IQCH: variants seen among roughly 807,000 people sequenced by gnomAD.
IQCH encodes IQ domain-containing protein H.
A neutral mutation model predicts 117.0 loss-of-function variants in IQCH; 98 were observed. The ratio of observed to expected loss-of-function variants is 0.84; its 90% CI spans 0.71 to 0.99. IQCH has a LOEUF of 0.99. IQCH is among the 50% of genes least tolerant of loss of function. The pLI is 0.00. For synonymous variants in IQCH, 412 were observed against 448.2 expected (o/e 0.92, Z 1.02); for missense variants, 1,102 against 1,243.8 (o/e 0.89, Z 1.72).
At chr15:67,372,779 C>T (rs1970593984) in intron 9 of IQCH, 117 bp downstream of exon 9, 4 of 814,122 alleles carry the variant, frequency 4.9e-6, no homozygotes, top group East Asian at 5.0e-5. Context: ...CTCCTTGCCT[C>T]AGACTCCCAC....
In IQCH at chr15:67,494,442, C is replaced by A. The variant is rs2083750790; in HGVS notation, c.2970+76C>A. The A allele has an allele frequency of 4.1e-6, 4 of 976,296 alleles. No individual in the cohort carries two copies. Among genetic ancestry groups the A allele is most frequent in the Non-Finnish European group, 6.3e-6 (4 of 638,698 alleles). 60.5% of individuals were successfully genotyped at this position (976,296 alleles called of 1,614,324 possible). ...AAAATACCTCATGCTGTATTGTAAA[C>A]AAGTGCTAAACCATCTTTTTTTTAT... On this transcript the variant is annotated intron_variant, in intron 20 of 20. Coordinates refer to ENST00000335894, the MANE Select transcript of IQCH (RefSeq NM_001031715.3). The surrounding 1 kb of genome is among the most constrained non-coding windows in gnomAD (Gnocchi z 5.5).
chr15:67,452,920 A>G (rs1440356820), intron 16 of IQCH, among the ~76,000 whole-genome samples: 1 of 151,970 alleles, frequency 6.6e-6, no homozygotes, highest in African/African-American at 2.4e-5. Flanking sequence ...GGCTTTGTTC[A>G]TTTCTTTTTA....
At chr15:67,380,866 G>C (rs1381909157) in intron 10 of IQCH, among the ~76,000 whole-genome samples, 1 of 152,212 alleles carries the variant, frequency 6.6e-6, no homozygotes, top group Non-Finnish European at 1.5e-5. Context: ...ACTGAGGCAT[G>C]AATGACTACC....
rs1234801241 is a variant in IQCH at position 67,369,260 on chromosome 15, A to C, written c.754-2851A>C. 6.6e-6 allele frequency among the ~76,000 whole-genome samples: 1 copy of C among 152,216 alleles called. No individual in the cohort carries two copies. Among genetic ancestry groups the C allele is most frequent in the East Asian group, 1.9e-4 (1 of 5,200 alleles). On this transcript the variant is annotated intron_variant, in intron 8 of 20. Coordinates refer to ENST00000335894, the MANE Select transcript of IQCH (RefSeq NM_001031715.3). This position sits in a 1 kb window ranked among gnomAD's most constrained non-coding sequence, Gnocchi z 5.2. ...GAACATTTCCCAGCTAATTAGTTAG[A>C]GCAAGATGCTAATAATTAGGCCACA...
At chr15:67,394,836 G>A (rs1434188787) in intron 12 of IQCH, among the ~76,000 whole-genome samples, 2 of 152,126 alleles carry the variant, frequency 1.3e-5, no homozygotes, top group Non-Finnish European at 2.9e-5. Context: ...CGGGTCAAGT[G>A]CCTTTTTCCT....
intron 4 of IQCH, chr15:67,304,463 A>T (rs1364689770): frequency 1.4e-6 from 2 of 1,401,360 alleles, no homozygotes; most frequent in African/African-American, 2.9e-5. Flanking sequence ...TGTGTAAGTA[A>T]TGAGTTGTTT....
At chr15:67,428,596 A>G (rs1426267203) in intron 16 of IQCH, among the ~76,000 whole-genome samples, 1 of 152,130 alleles carries the variant, frequency 6.6e-6, no homozygotes, top group African/African-American at 2.4e-5. Flanking sequence ...CACACCTGTA[A>G]TCCCAACACT....
intron 4 of IQCH, among the ~76,000 whole-genome samples, chr15:67,314,715 C>T (rs1323955452): frequency 6.6e-6 from 1 of 152,174 alleles, no homozygotes. Flanking sequence ...AGGACACAGG[C>T]CTTCCCTCCA....
At chr15:67,315,857 C>T (rs1362695790) in intron 4 of IQCH, among the ~76,000 whole-genome samples, 1 of 152,096 alleles carries the variant, frequency 6.6e-6, no homozygotes, top group Non-Finnish European at 1.5e-5. Flanking sequence ...TGGCACATCT[C>T]CTTGTCACTA....
At position 67,372,136 on chromosome 15, in the gene IQCH, G is replaced by C; in HGVS notation, c.779G>C (p.Arg260Thr). Residue 260 changes from arginine (R) to threonine (T), a missense_variant, in exon 9 of 21, where the codon AGA becomes ACA. This residue lies in a region of IQCH where 452 missense variants were observed against 449.6 expected (regional missense o/e 1.01). Coordinates refer to ENST00000335894, the MANE Select transcript of IQCH (RefSeq NM_001031715.3). The stretch of plus-strand genomic sequence containing the variant: ...GCCATGAAAGTCAAAACACCTTTGA[G>C]AGCCCTGAAATCACTGTGGGATTAT... ...RKAMKVKTPL[R>T]ALKSLWDYDF... 8 of 1,608,662 alleles carry C rather than the reference G, an allele frequency of 5.0e-6. No individual in the cohort carries two copies. Among genetic ancestry groups the C allele is most frequent in the Non-Finnish European group, 6.8e-6 (8 of 1,178,024 alleles).
rs1489955031 is a variant in IQCH at position 67,456,315 on chromosome 15, TCTA to T, written c.2506-8808_2506-8806del. Among the ~76,000 whole-genome samples, 5 of 152,202 alleles carry T rather than the reference TCTA, an allele frequency of 3.3e-5. No individual in the cohort carries two copies. The highest frequency in any genetic ancestry group is 1.2e-4 in the African/African-American group (5 of 41,456). On this transcript the variant is annotated intron_variant, in intron 16 of 20. Transcript: ENST00000335894. This position sits in a 1 kb window ranked among gnomAD's most constrained non-coding sequence, Gnocchi z 5.1. ...AAACTTGGCACTCTGAAGAAATTGA[TCTA>T]CTAATGCTGGCAATGAAGTGTCATA...
At chr15:67,468,864 G>A (rs1228834853) in intron 17 of IQCH, among the ~76,000 whole-genome samples, 1 of 152,186 alleles carries the variant, frequency 6.6e-6, no homozygotes, top group Non-Finnish European at 1.5e-5. Context: ...TTCAGGCAGA[G>A]ATTTATTACA....
intron 5 of IQCH, among the ~76,000 whole-genome samples, chr15:67,339,233 A>G (rs1969035132): frequency 6.6e-6 from 1 of 152,194 alleles, no homozygotes; most frequent in African/African-American, 2.4e-5. Context: ...ATTTAATAAA[A>G]CATGGTGTTT....
intron 16 of IQCH, among the ~76,000 whole-genome samples, chr15:67,429,163 G>A (rs964472397): frequency 6.6e-6 from 1 of 152,222 alleles, no homozygotes; most frequent in African/African-American, 2.4e-5. Context: ...AGCAGCAATA[G>A]GATACTAATA....
intron 9 of IQCH, 134 bp from the exon 10 acceptor site, chr15:67,373,233 T>A (rs76024542): frequency 0.025 from 14,879 of 586,394 alleles, 272 homozygotes; most frequent in Middle Eastern, 0.042. Flanking sequence ...GGGGAAGATG[T>A]TTTAAGTATG....
chr15:67,401,953 T>C lies in IQCH; in HGVS notation c.2097+1648T>C, dbSNP rs980488841. The stretch of plus-strand genomic sequence containing the variant: ...TTTTTAATTTAAAACATTGAAGTGT[T>C]AATGTGCAAAGTATTTGTTGGCTTC... On this transcript the variant is annotated intron_variant, in intron 14 of 20. Coordinates refer to ENST00000335894, the MANE Select transcript of IQCH (RefSeq NM_001031715.3). The surrounding 1 kb of genome is among the most constrained non-coding windows in gnomAD (Gnocchi z 4.7). Among the ~76,000 whole-genome samples, 1 of 152,196 alleles carries C rather than the reference T, an allele frequency of 6.6e-6. No individual in the cohort carries two copies. The highest frequency in any genetic ancestry group is 1.5e-5 in the Non-Finnish European group (1 of 68,038).
At chr15:67,256,172 C>T (rs1965183060) in intron 1 of IQCH, among the ~76,000 whole-genome samples, 1 of 152,134 alleles carries the variant, frequency 6.6e-6, no homozygotes, top group African/African-American at 2.4e-5. Flanking sequence ...ATTAATCAGC[C>T]AAGGAAAGAG....
intron 4 of IQCH, among the ~76,000 whole-genome samples, chr15:67,283,921 A>C (rs760301156): frequency 6.6e-6 from 1 of 152,112 alleles, no homozygotes; most frequent in Non-Finnish European, 1.5e-5. Context: ...TTGTGAGTAC[A>C]TAGTGGGTGT....
At position 67,388,850 on chromosome 15, in the gene IQCH, C is replaced by T; in HGVS notation, c.1476C>T (p.Ile492=). 2 of 1,613,494 alleles carry T rather than the reference C, an allele frequency of 1.2e-6. No individual in the cohort carries two copies. The highest frequency in any genetic ancestry group is 1.7e-6 in the Non-Finnish European group (2 of 1,179,564). ...CDILDANVNV[I]YICSHHMNDE... is the part of the protein sequence containing the mutation. ...TTTTAGATGCCAATGTGAATGTCAT[C>T]TACATCTGCTCCCATCATATGAATG... The change falls in exon 12 of 21, where the codon ATC becomes ATT. Residue 492 remains isoleucine (I), a synonymous_variant. Coordinates refer to ENST00000335894, the MANE Select transcript of IQCH (RefSeq NM_001031715.3). The surrounding 1 kb of genome is among the most constrained non-coding windows in gnomAD (Gnocchi z 5.5).
Sources: gnomAD v4.1 joint callset for allele counts (sites outside exome capture counted in the v4.1 genomes callset) on GRCh38, gnomAD v4.1.1 for gene constraint, gnomAD v4.1.1 regional missense constraint, Gnocchi (gnomAD v3.1) non-coding constraint, MANE v1.5 for transcripts, NCBI Gene and HGNC (gene_info 2026-07-23, HGNC 2026-07-21) for gene names.